Variants in TANC2 observed in about 807,000 individuals in gnomAD.
The protein encoded by TANC2 is tetratricopeptide repeat, ankyrin repeat and coiled-coil containing 2.
A neutral mutation model predicts 210.5 loss-of-function variants in TANC2; 26 were observed. The ratio of observed to expected loss-of-function variants is 0.12; its 90% CI spans 0.09 to 0.17. TANC2 has a LOEUF of 0.17. Ranked by LOEUF, TANC2 falls within the 10% of genes least tolerant of loss-of-function variation. The pLI is 1.00. For missense variants in TANC2, 2,129 were observed against 2,608.9 expected, an observed-to-expected ratio of 0.82 and a Z score of 4.01; for synonymous variants, 931 against 967.1, an observed-to-expected ratio of 0.96 and a Z score of 0.69.
At chr17:63,294,437 G>A (rs1366282658) in intron 9 of TANC2, among the ~76,000 whole-genome samples, 1 of 151,810 alleles carries the variant, frequency 6.6e-6, no homozygotes, top group Admixed American at 6.6e-5. Context: ...TCACACCACC[G>A]CACTCCATCC....
intron 15 of TANC2, among the ~76,000 whole-genome samples, chr17:63,386,336 T>C (rs1057180145): frequency 9.9e-5 from 15 of 152,210 alleles, no homozygotes; most frequent in African/African-American, 3.1e-4. Context: ...ATATTTCATA[T>C]TATAGAATCC....
exon 28 of TANC2, chr17:63,425,088 T>C (rs2049112097): frequency 6.6e-6 from 1 of 152,144 alleles, no homozygotes; most frequent in African/African-American, 2.4e-5. Context: ...CATGACAAAA[T>C]GGAGACCATT....
chr17:63,038,827 C>G (rs2035074057), intron 2 of TANC2, among the ~76,000 whole-genome samples: 1 of 152,126 alleles, frequency 6.6e-6, no homozygotes, highest in African/African-American at 2.4e-5. Flanking sequence ...GTACTTTAGC[C>G]TTAACCTCTC....
At chr17:63,004,787 C>A in intron 1 of TANC2, 1 of 349,256 alleles carries the variant, frequency 2.9e-6, no homozygotes, top group South Asian at 2.7e-5. Context: ...GGTTATTCCC[C>A]TTACCCGCTT....
exon 10 of TANC2, chr17:63,314,549 G>C (rs774309244): frequency 6.2e-7 from 1 of 1,613,968 alleles, no homozygotes; most frequent in Non-Finnish European, 8.5e-7. Flanking sequence ...CCAAGGAGTA[G>C]TGATTGTGGG....
chr17:62,979,543 G>A (rs892438236), intron 1 of TANC2, among the ~76,000 whole-genome samples: 1 of 152,156 alleles, frequency 6.6e-6, no homozygotes. Flanking sequence ...ATATTTTAGA[G>A]TGTGGCTGGG....
intron 6 of TANC2, among the ~76,000 whole-genome samples, chr17:63,197,138 G>T (rs2041372313): frequency 6.6e-6 from 1 of 152,106 alleles, no homozygotes; most frequent in Non-Finnish European, 1.5e-5. Flanking sequence ...TGCAGGAACT[G>T]TGTGATTTGG....
At chr17:63,234,578 GCTTTC>G (rs1252226620) in intron 7 of TANC2, among the ~76,000 whole-genome samples, 1 of 151,978 alleles carries the variant, frequency 6.6e-6, no homozygotes, top group Non-Finnish European at 1.5e-5. Flanking sequence ...TAGCCTCTGT[GCTTTC>G]CTTTGTTTTA....
chr17:63,052,510 A>AG, intron 2 of TANC2, among the ~76,000 whole-genome samples: 1 of 152,272 alleles, frequency 6.6e-6, no homozygotes, highest in South Asian at 2.1e-4. Flanking sequence ...ACCATAGTAT[A>AG]GGGGAGTATA....
intron 14 of TANC2, 34 bp from the exon 15 acceptor site, chr17:63,379,684 T>A (rs369327289): frequency 2.6e-4 from 394 of 1,493,122 alleles, no homozygotes; most frequent in Non-Finnish European, 3.3e-4. Flanking sequence ...ATAAATAAAT[T>A]AATTAATTAA....
chr17:63,110,266 C>T (rs1049400957), intron 4 of TANC2, among the ~76,000 whole-genome samples: 1 of 151,540 alleles, frequency 6.6e-6, no homozygotes, highest in Non-Finnish European at 1.5e-5. Context: ...TTTTAGAATT[C>T]TGAAAGGTAA....
intron 8 of TANC2, among the ~76,000 whole-genome samples, chr17:63,264,163 C>T (rs528423004): frequency 6.6e-6 from 1 of 152,326 alleles, no homozygotes; most frequent in East Asian, 1.9e-4. Flanking sequence ...CCCAGTTCTA[C>T]AAACACATTT....
At chr17:63,361,698 C>T (rs552233969) in intron 14 of TANC2, among the ~76,000 whole-genome samples, 2 of 152,342 alleles carry the variant, frequency 1.3e-5, no homozygotes, top group Admixed American at 6.5e-5. Context: ...CACAATGTGG[C>T]GAGCAGTGGG....
intron 7 of TANC2, among the ~76,000 whole-genome samples, chr17:63,223,130 C>T (rs2042239444): frequency 6.6e-6 from 1 of 152,056 alleles, no homozygotes; most frequent in Admixed American, 6.6e-5. Flanking sequence ...AGGGGGTGGG[C>T]ATGATAGTAA....
chr17:63,101,889 A>C (rs748257610), intron 4 of TANC2, among the ~76,000 whole-genome samples: 1 of 152,176 alleles, frequency 6.6e-6, no homozygotes, highest in Non-Finnish European at 1.5e-5. Flanking sequence ...GGAGCTTTCC[A>C]GGCAGAGCTA....
chr17:63,392,002 C>T (rs1253116464), intron 17 of TANC2, among the ~76,000 whole-genome samples: 1 of 152,178 alleles, frequency 6.6e-6, no homozygotes, highest in Non-Finnish European at 1.5e-5. Flanking sequence ...GCTGGGATTA[C>T]AGGCGTGAGC....
chr17:63,184,102 T>G (rs1378277978), intron 5 of TANC2, among the ~76,000 whole-genome samples: 1 of 152,218 alleles, frequency 6.6e-6, no homozygotes, highest in Non-Finnish European at 1.5e-5. Context: ...GTTGAAGATC[T>G]ATTTAAAACA....
intron 3 of TANC2, among the ~76,000 whole-genome samples, chr17:63,079,514 A>G (rs1481239044): frequency 6.6e-6 from 1 of 152,168 alleles, no homozygotes; most frequent in Non-Finnish European, 1.5e-5. Context: ...ACTTCATCTT[A>G]ACCTTCTGTT....
intron 17 of TANC2, 148 bp from the exon 18 acceptor site, chr17:63,395,595 A>G (rs1791749559): frequency 7.7e-6 from 5 of 652,228 alleles, no homozygotes; most frequent in Middle Eastern, 4.3e-4. Flanking sequence ...TAGGCTGAGC[A>G]GAGTCTCCTG....
Sources: allele counts gnomAD v4.1 joint callset (sites outside exome capture counted in the v4.1 genomes callset), GRCh38; gene constraint gnomAD v4.1.1; transcripts MANE v1.5; gene names NCBI Gene and HGNC (gene_info 2026-07-23, HGNC 2026-07-21).